Variants in PRR11 observed in about 807,000 individuals in gnomAD.
The protein encoded by PRR11 is proline rich 11.
In PRR11, 30 loss-of-function variants were observed where a neutral mutation model predicts 45.6. The ratio of observed to expected loss-of-function variants is 0.66; its 90% CI spans 0.49 to 0.89. The LOEUF is 0.89. Ranked by LOEUF, PRR11 falls within the 40% of genes least tolerant of loss-of-function variation. PRR11 has a pLI of 0.00. For synonymous variants in PRR11, 128 were observed against 153.5 expected, an observed-to-expected ratio of 0.83 and a Z score of 1.23; for missense variants, 373 against 424.8, an observed-to-expected ratio of 0.88 and a Z score of 1.07.
In PRR11 at chr17:59,197,565, G is replaced by A; in HGVS notation, c.879G>A (p.Met293Ile). The A allele has an allele frequency of 1.2e-6, 2 of 1,613,990 alleles. No homozygotes were observed. Among genetic ancestry groups the A allele is most frequent in the Non-Finnish European group, 8.5e-7 (1 of 1,179,908 alleles). ...NVLITPGKSQMDLRKLLRKVD... is the reference protein window; with the variant it reads ...NVLITPGKSQIDLRKLLRKVD... ...TCAGCACTCCTGGAAAAAGTCAGAT[G>A]GATCTGCGGAAACTGCTTAGAAAAG... The change falls in exon 8 of 10, where the codon ATG becomes ATA. Residue 293 changes from methionine to isoleucine, a missense_variant. Coordinates refer to ENST00000262293, the MANE Select transcript of PRR11 (RefSeq NM_018304.4).
At chr17:59,163,909 A>G (rs2046666254) in intron 1 of PRR11, among the ~76,000 whole-genome samples, 1 of 152,104 alleles carries the variant, frequency 6.6e-6, no homozygotes, top group Non-Finnish European at 1.5e-5. Flanking sequence ...TACTAAAAAT[A>G]CAAAACTTAG....
Position 59,175,362 on chromosome 17 carries a change from C to T in PRR11, c.128+5482C>T, listed in dbSNP as rs1385283318. 3.3e-5 allele frequency among the ~76,000 whole-genome samples: 5 copies of T among 152,334 alleles called. No individual in the cohort carries two copies. The East Asian group carries it at 9.6e-4, about 29-fold the overall frequency. ...ACTGGTGGCCGAGAGTGGTGGCTTA[C>T]GCCTGGAATCCCAGCACATTGGGAG... On this transcript the variant is annotated intron_variant, in intron 2 of 9. Transcript: ENST00000262293.
At position 59,203,201 on chromosome 17, in the gene PRR11, TAGAG is replaced by T. The variant is rs1253705955; in HGVS notation, c.*1572_*1575del. On this transcript the variant is annotated 3_prime_UTR_variant, in exon 10 of 10. Coordinates refer to ENST00000262293, the MANE Select transcript of PRR11 (RefSeq NM_018304.4). ...TGTTTTTGAGACCCACATCTATATA[TAGAG>T]ATTTTTGTTTGTTTGTTTGTTTGTT... Among the ~76,000 whole-genome samples the T allele has an allele frequency of 6.6e-6, 1 of 152,064 alleles. No homozygotes were observed. The highest frequency in any genetic ancestry group is 6.6e-5 in the Admixed American group (1 of 15,246).
intron 1 of PRR11, chr17:59,160,785 G>T (rs553813220): frequency 6.6e-6 from 1 of 152,122 alleles, no homozygotes; most frequent in South Asian, 2.1e-4. Context: ...CCAGGCTGGA[G>T]TACAGTGGCG....
At chr17:59,170,916 C>G (rs2046704466) in intron 2 of PRR11, among the ~76,000 whole-genome samples, 1 of 152,184 alleles carries the variant, frequency 6.6e-6, no homozygotes, top group Non-Finnish European at 1.5e-5. Context: ...CTGCATTGTT[C>G]TCTTGAAAAC....
chr17:59,195,639 A>T lies in PRR11; in HGVS notation c.857+196A>T, dbSNP rs555444927. Among the ~76,000 whole-genome samples the T allele has an allele frequency of 2.6e-5, 4 of 152,342 alleles. No homozygotes were observed. In the East Asian group the frequency reaches 5.8e-4, roughly 22 times the overall value. ...CAAAAATTATCTAAATAATCCTATC[A>T]CTGGAGATAGCCACTGTTAACATAC... On this transcript the variant is annotated intron_variant, in intron 7 of 9. Coordinates refer to ENST00000262293, the MANE Select transcript of PRR11 (RefSeq NM_018304.4).
At chr17:59,198,450 T>A (rs1219538541) in intron 9 of PRR11, among the ~76,000 whole-genome samples, 10 of 151,918 alleles carry the variant, frequency 6.6e-5, no homozygotes, top group Non-Finnish European at 7.4e-5. Context: ...CCGAGGCAGG[T>A]GAATCATGAG....
In PRR11 at chr17:59,194,305, A is replaced by ACACACC. The variant is rs764211578; in HGVS notation, c.646-452_646-451insCACACC. ...CACACACACACACACACACACACAC[A>ACACACC]AAACAAAACCTGGAGCCTATTGTTA... is the stretch of plus-strand genomic sequence containing the variant. On this transcript the variant is annotated intron_variant, in intron 5 of 9. Transcript: ENST00000262293. 3.3e-5 allele frequency among the ~76,000 whole-genome samples: 5 copies of ACACACC among 149,616 alleles called. No individual in the cohort carries two copies. The Admixed American group carries it at 3.3e-4, about 10-fold the overall frequency.
intron 5 of PRR11, among the ~76,000 whole-genome samples, chr17:59,194,278 C>A (rs2147854467): frequency 7.0e-6 from 1 of 143,132 alleles, no homozygotes; most frequent in Non-Finnish European, 1.5e-5. Context: ...CACACACACA[C>A]ACACACACAC....
intron 1 of PRR11, among the ~76,000 whole-genome samples, chr17:59,156,385 CAG>C (rs1420058817): frequency 6.7e-6 from 1 of 149,080 alleles, no homozygotes; most frequent in Non-Finnish European, 1.5e-5. Flanking sequence ...AAAAACAAGA[CAG>C]AACAAAAACA....
chr17:59,165,141 C>T (rs1409188826), intron 1 of PRR11, among the ~76,000 whole-genome samples: 1 of 151,930 alleles, frequency 6.6e-6, no homozygotes, highest in African/African-American at 2.4e-5. Context: ...CTGCCTCAGC[C>T]TCCCGAGTAG....
chr17:59,189,802 G>C (rs1290821523), intron 4 of PRR11, among the ~76,000 whole-genome samples: 1 of 152,012 alleles, frequency 6.6e-6, no homozygotes, highest in Admixed American at 6.6e-5. Context: ...GTTTGCTGTG[G>C]GTGACAAGGC....
intron 2 of PRR11, among the ~76,000 whole-genome samples, chr17:59,173,124 A>G (rs1416412341): frequency 6.6e-6 from 1 of 152,220 alleles, no homozygotes; most frequent in Non-Finnish European, 1.5e-5. Flanking sequence ...AAATACAGCA[A>G]TTGACACTCT....
chr17:59,176,239 G>A (rs1302818689), intron 2 of PRR11, among the ~76,000 whole-genome samples: 4 of 152,180 alleles, frequency 2.6e-5, no homozygotes, highest in Non-Finnish European at 4.4e-5. Context: ...CCAAGATGGC[G>A]AGCCAGTTTG....
intron 1 of PRR11, among the ~76,000 whole-genome samples, chr17:59,163,389 C>T (rs2046663484): frequency 1.3e-5 from 2 of 152,158 alleles, no homozygotes; most frequent in South Asian, 2.1e-4. Flanking sequence ...CCAGCCAATG[C>T]TTATACTTTA....
At chr17:59,200,895 G>A (rs2046889249) in intron 9 of PRR11, among the ~76,000 whole-genome samples, 2 of 151,022 alleles carry the variant, frequency 1.3e-5, no homozygotes, top group South Asian at 4.2e-4. Context: ...AAAGTGCTGG[G>A]ATTACAGGCG....
chr17:59,157,153 CACTT>C (rs933437697), intron 1 of PRR11, among the ~76,000 whole-genome samples: 2 of 152,162 alleles, frequency 1.3e-5, no homozygotes, highest in Non-Finnish European at 2.9e-5. Flanking sequence ...ACTAAAATAA[CACTT>C]GCTAGCTAAC....
intron 6 of PRR11, 127 bp downstream of exon 6, chr17:59,194,982 T>C: frequency 1.4e-6 from 1 of 693,862 alleles, no homozygotes; most frequent in Non-Finnish European, 2.5e-6. Flanking sequence ...AGGACCAGCA[T>C]GGGGAATATG....
chr17:59,166,694 G>C (rs185213907), intron 1 of PRR11, among the ~76,000 whole-genome samples: 1 of 152,078 alleles, frequency 6.6e-6, no homozygotes, highest in East Asian at 1.9e-4. Flanking sequence ...AAAAATATTT[G>C]TTACATTCTT....
Sources: allele counts gnomAD v4.1 joint callset (sites outside exome capture counted in the v4.1 genomes callset), GRCh38; gene constraint gnomAD v4.1.1; transcripts MANE v1.5; gene names NCBI Gene and HGNC (gene_info 2026-07-23, HGNC 2026-07-21).